SLC9A3: variants seen among roughly 807,000 people sequenced by gnomAD.
The protein encoded by SLC9A3 is sodium/hydrogen exchanger 3.
SLC9A3 carries 37 observed loss-of-function variants against 86.8 expected under a neutral mutation model. The ratio of observed to expected loss-of-function variants is 0.43; its 90% CI spans 0.33 to 0.56. The LOEUF (loss-of-function observed/expected upper bound fraction) is 0.56, where lower values mean the gene tolerates loss of function less well. Among genes scored for constraint, SLC9A3 ranks in the 20% least tolerant of loss-of-function variants. SLC9A3 has a pLI of 0.06. For synonymous variants in SLC9A3, 581 were observed against 528.3 expected (o/e 1.10, Z -1.37); for missense variants, 1,011 against 1,171.9 (o/e 0.86, Z 2.00).
intron 1 of SLC9A3, among the ~76,000 whole-genome samples, chr5:507,251 C>G (rs1305619747): frequency 6.9e-5 from 8 of 115,332 alleles, no homozygotes; most frequent in African/African-American, 2.1e-4. Flanking sequence ...TCACTGCAAG[C>G]TCCGCTCCCG....
At chr5:482,786 C>G in intron 6 of SLC9A3, 36 bp from the exon 7 acceptor site, 1 of 1,535,424 alleles carries the variant, frequency 6.5e-7, no homozygotes, top group South Asian at 1.2e-5. Context: ...GCTCCCCGGC[C>G]GCCCTCCCAG....
intron 7 of SLC9A3, 131 bp from the exon 8 acceptor site, chr5:482,288 A>C: frequency 1.4e-6 from 1 of 730,766 alleles, no homozygotes. Context: ...GGCACCCAGC[A>C]ACCCGCGCCC....
intron 16 of SLC9A3, among the ~76,000 whole-genome samples, chr5:473,844 T>A (rs1402798343): frequency 6.6e-6 from 1 of 152,180 alleles, no homozygotes; most frequent in East Asian, 1.9e-4. Context: ...CGGCCCTCCC[T>A]GTATCCCTGT....
chr5:479,760 C>T lies in SLC9A3; in HGVS notation c.1647+76G>A, dbSNP rs1339584333. 2.8e-5 allele frequency: 39 copies of T among 1,401,498 alleles called. No homozygotes were observed. The East Asian group carries it at 4.0e-4, about 14-fold the overall frequency. The allele number at this position is 1,401,498 out of a possible 1,614,324, so 86.8% of individuals were successfully genotyped here. A position where few individuals can be genotyped will look rare whatever the true frequency, so the allele number is the denominator to read the frequency against. On this transcript the variant is annotated intron_variant, in intron 10 of 16. Coordinates refer to ENST00000264938, the MANE Select transcript of SLC9A3 (RefSeq NM_004174.4). ...GGACGCGGGTGCAGGGGCCTCTCCT[C>T]ACTGCCCCATGGCACCCACAGCCAG...
intron 5 of SLC9A3, among the ~76,000 whole-genome samples, chr5:483,908 A>C (rs571130034): frequency 1.3e-5 from 2 of 152,392 alleles, no homozygotes; most frequent in South Asian, 2.1e-4. Context: ...GTGACGGGAC[A>C]CTGCTCTGAA....
At chr5:509,920 C>T (rs548729381) in intron 1 of SLC9A3, among the ~76,000 whole-genome samples, 58 of 152,326 alleles carry the variant, frequency 3.8e-4, no homozygotes, top group Admixed American at 2.5e-3. Flanking sequence ...TGCGGGCAGC[C>T]GGCGTTGTCC....
At chr5:501,954 C>T (rs79492480) in intron 1 of SLC9A3, among the ~76,000 whole-genome samples, 2,687 of 152,344 alleles carry the variant, frequency 0.018, 67 homozygotes, top group African/African-American at 0.061. Flanking sequence ...GCCGGGCCCC[C>T]GGGCCGGGAA....
Position 473,191 on chromosome 5 carries a change from G to T in SLC9A3, c.*188C>A, listed in dbSNP as rs1579756517. 5 of 470,544 alleles carry T rather than the reference G, an allele frequency of 1.1e-5. No homozygotes were observed. The highest frequency in any genetic ancestry group is 1.1e-4 in the South Asian group (1 of 8,844). The allele number at this position is 470,544 out of a possible 1,614,324, so 29.1% of individuals were successfully genotyped here. A position where few individuals can be genotyped will look rare whatever the true frequency, so the allele number is the denominator to read the frequency against. On this transcript the variant is annotated 3_prime_UTR_variant, in exon 17 of 17. Coordinates refer to ENST00000264938, the MANE Select transcript of SLC9A3 (RefSeq NM_004174.4). ...CCCGCCCCCGGCTCGCCCTCGGGCG[G>T]CTCTGCGGGCGCAGGCGCGGCACTC...
At chr5:487,887 CGAACTGCTG>C (rs1409688090) in intron 3 of SLC9A3, among the ~76,000 whole-genome samples, 2 of 152,140 alleles carry the variant, frequency 1.3e-5, no homozygotes, top group Non-Finnish European at 2.9e-5. Context: ...AGGCTGGTCT[CGAACTGCTG>C]ACCTCAGGTG....
intron 1 of SLC9A3, among the ~76,000 whole-genome samples, chr5:501,467 G>A (rs1400163819): frequency 2.6e-5 from 4 of 152,216 alleles, no homozygotes; most frequent in African/African-American, 4.8e-5. Context: ...GAAGGAGGGC[G>A]GAAGCACAGG....
At position 476,276 on chromosome 5, in the gene SLC9A3, T is replaced by C; in HGVS notation, c.1993A>G (p.Lys665Glu). The C allele has an allele frequency of 6.2e-7, 1 of 1,614,000 alleles. No homozygotes were observed. The highest frequency in any genetic ancestry group is 8.5e-7 in the Non-Finnish European group (1 of 1,180,002). ...TGGTTGAGCCCCAGCTTGGTCGACT[T>C]GAAGGACTCCAGGCGCTTCCGCATG... Reference protein sequence around the residue: ...RTMRKRLESFKSTKLGLNQNK... With the variant: ...RTMRKRLESFESTKLGLNQNK... The change falls in exon 13 of 17, where the codon AAG (lysine) becomes GAG (glutamate). Residue 665 changes from lysine (K) to glutamate (E), a missense_variant. Coordinates refer to ENST00000264938, the MANE Select transcript of SLC9A3 (RefSeq NM_004174.4).
rs1738357107 is a variant in SLC9A3, at chr5:471,533, G to A, written c.*1846C>T. 8.7e-6 allele frequency: 3 copies of A among 344,944 alleles called. No individual in the cohort carries two copies. The highest frequency in any genetic ancestry group is 1.7e-5 in the Non-Finnish European group (3 of 174,434). 21.4% of individuals were successfully genotyped at this position (344,944 alleles called of 1,614,324 possible). A position where few individuals can be genotyped will look rare whatever the true frequency, so the allele number is the denominator to read the frequency against. ...TCAGAACAGCCACTTGTGCCGGGAAGGCCAGGCCCCGGCCTGCTCCGATGA... is the reference window on the plus strand; with the variant it reads ...TCAGAACAGCCACTTGTGCCGGGAAAGCCAGGCCCCGGCCTGCTCCGATGA... On this transcript the variant is annotated 3_prime_UTR_variant, in exon 17 of 17. Transcript: ENST00000264938.
intron 9 of SLC9A3, 90 bp from the exon 10 acceptor site, chr5:480,055 T>C (rs1284088468): frequency 6.8e-7 from 1 of 1,471,384 alleles, no homozygotes; most frequent in East Asian, 2.3e-5. Flanking sequence ...CTCCTGAATT[T>C]TGTTTGCTAT....
chr5:510,553 A>G (rs1740831696), intron 1 of SLC9A3, among the ~76,000 whole-genome samples: 1 of 152,228 alleles, frequency 6.6e-6, no homozygotes, highest in Non-Finnish European at 1.5e-5. Context: ...GACAAAGCTA[A>G]CAGAGGAAAA....
At chr5:501,573 C>T (rs989328126) in intron 1 of SLC9A3, among the ~76,000 whole-genome samples, 36 of 152,058 alleles carry the variant, frequency 2.4e-4, no homozygotes, top group African/African-American at 7.5e-4. Flanking sequence ...CTCGCAGAGA[C>T]GCAGAGACGT....
chr5:522,779 C>T (rs186252254), intron 1 of SLC9A3, among the ~76,000 whole-genome samples: 6 of 151,744 alleles, frequency 4.0e-5, no homozygotes, highest in South Asian at 2.1e-4. Context: ...ATTACCTTTT[C>T]AGTTTACACC....
chr5:504,203 C>T (rs1476021172), intron 1 of SLC9A3, among the ~76,000 whole-genome samples: 3 of 151,178 alleles, frequency 2.0e-5, no homozygotes, highest in South Asian at 4.2e-4. Flanking sequence ...GGGAAGGTGC[C>T]GGAAGGCATC....
intron 1 of SLC9A3, among the ~76,000 whole-genome samples, chr5:502,746 T>G (rs1333178188): frequency 6.6e-6 from 1 of 152,070 alleles, no homozygotes; most frequent in Non-Finnish European, 1.5e-5. Flanking sequence ...TTTTAGGTCC[T>G]GCAAGCTGCC....
rs182269375 is a variant in SLC9A3 at position 494,096 on chromosome 5, C to T, written c.212-2025G>A. The stretch of plus-strand genomic sequence containing the variant: ...CTCCAGCTTTCAGCAGGAGAGCATC[C>T]GTAGGGTTGACCTTGCTCTCTCCCC... On this transcript the variant is annotated intron_variant, in intron 1 of 16. Transcript: ENST00000264938. Among the ~76,000 whole-genome samples, 140 of 152,326 alleles carry T rather than the reference C, an allele frequency of 9.2e-4. 1 individual carries two copies. Among genetic ancestry groups the T allele is most frequent in the Non-Finnish European group, 1.7e-3 (114 of 68,020 alleles).
Sources: allele counts gnomAD v4.1 joint callset (sites outside exome capture counted in the v4.1 genomes callset), GRCh38; gene constraint gnomAD v4.1.1; transcripts MANE v1.5; gene names NCBI Gene and HGNC (gene_info 2026-07-23, HGNC 2026-07-21).